SOX5: variants seen among roughly 807,000 people sequenced by gnomAD.
SOX5 encodes the protein transcription factor SOX-5.
Under a neutral mutation model 92.0 loss-of-function variants are expected in SOX5, and 9 were observed. The ratio of observed to expected loss-of-function variants is 0.10; its 90% CI spans 0.06 to 0.17. The LOEUF (loss-of-function observed/expected upper bound fraction) is 0.17, where lower values mean the gene tolerates loss of function less well. Ranked by LOEUF, SOX5 falls within the 10% of genes least tolerant of loss-of-function variation. SOX5 has a pLI of 1.00. For missense variants in SOX5, 642 were observed against 944.5 expected (o/e 0.68, Z 4.20); for synonymous variants, 344 against 336.3 (o/e 1.02, Z -0.25).
At chr12:24,384,387 T>C (rs757911378) in intron 1 of SOX5, among the ~76,000 whole-genome samples, 16 of 151,128 alleles carry the variant, frequency 1.1e-4, no homozygotes, top group Non-Finnish European at 2.2e-4. Context: ...CACGGACTGA[T>C]ACCAGTCTGC....
chr12:24,066,389 C>T (rs1485579945), intron 4 of SOX5, among the ~76,000 whole-genome samples: 1 of 152,096 alleles, frequency 6.6e-6, no homozygotes, highest in African/African-American at 2.4e-5. Flanking sequence ...TCTATGATAG[C>T]TTCCAATGAA....
At chr12:24,228,088 C>T (rs559034898) in intron 3 of SOX5, among the ~76,000 whole-genome samples, 1 of 152,286 alleles carries the variant, frequency 6.6e-6, no homozygotes, top group East Asian at 1.9e-4. Flanking sequence ...GGCTTCCTTC[C>T]TCCCTGGTGT....
At chr12:23,777,751 G>GAA in intron 3 of SOX5, among the ~76,000 whole-genome samples, 1 of 148,602 alleles carries the variant, frequency 6.7e-6, no homozygotes, top group South Asian at 2.1e-4. Flanking sequence ...ATGCTCATTT[G>GAA]AAAAAAAAAA....
chr12:23,932,591 G>C (rs1000385714), intron 1 of SOX5, among the ~76,000 whole-genome samples: 1 of 151,582 alleles, frequency 6.6e-6, no homozygotes, highest in African/African-American at 2.4e-5. Flanking sequence ...AGAAAGTGAA[G>C]GGGGCAAAGT....
intron 3 of SOX5, among the ~76,000 whole-genome samples, chr12:23,839,811 AG>A (rs2096489080): frequency 7.3e-6 from 1 of 137,770 alleles, no homozygotes; most frequent in East Asian, 2.2e-4. Flanking sequence ...GAATAGAGTG[AG>A]GCCTTCTCAA....
At chr12:23,817,394 C>T (rs934129293) in intron 3 of SOX5, among the ~76,000 whole-genome samples, 1 of 152,100 alleles carries the variant, frequency 6.6e-6, no homozygotes, top group Non-Finnish European at 1.5e-5. Flanking sequence ...ATATGTCTAG[C>T]CTTATTAGTT....
chr12:23,966,756 T>A (rs10842252), intron 4 of SOX5, among the ~76,000 whole-genome samples: 6,054 of 152,288 alleles, frequency 0.04, 571 homozygotes, highest in East Asian at 0.39. Flanking sequence ...CTTGCAAAGA[T>A]GGTATGAACA....
chr12:23,951,172 C>A, upstream of SOX5: 1 of 407,378 alleles, frequency 2.5e-6, no homozygotes, highest in Non-Finnish European at 4.5e-6. Flanking sequence ...AGGAAATTCC[C>A]TTCAAAGCCG....
At chr12:24,303,119 T>G (rs1357737323) in intron 2 of SOX5, among the ~76,000 whole-genome samples, 1 of 152,108 alleles carries the variant, frequency 6.6e-6, no homozygotes, top group Non-Finnish European at 1.5e-5. Context: ...ACAAGAAACT[T>G]TCAGCACAAC....
intron 3 of SOX5, among the ~76,000 whole-genome samples, chr12:23,807,557 C>T (rs2095801648): frequency 6.6e-6 from 1 of 151,968 alleles, no homozygotes; most frequent in East Asian, 1.9e-4. Context: ...AAGGATGCTA[C>T]CAAAGGTTTC....
chr12:24,562,505 CGT>C (rs991377179), upstream of SOX5: 1 of 153,148 alleles, frequency 6.5e-6, no homozygotes, highest in Non-Finnish European at 1.4e-5. Context: ...TGTGCGCGCG[CGT>C]GTCCCTCTCT....
rs529664375 is a variant in SOX5 at position 24,257,694 on chromosome 12, C to G, written c.-77+19522G>C. On this transcript the variant is annotated intron_variant, in intron 3 of 4. Coordinates refer to the SOX5 transcript ENST00000446891. ...ATATTGGTCAGGCTGGTCTCGAACT[C>G]CTGACCTCGTGATCTGCCCACCTTG... Among the ~76,000 whole-genome samples the G allele has an allele frequency of 5.9e-4, 89 of 151,996 alleles. 1 individual carries two copies. The highest frequency in any genetic ancestry group is 2.1e-3 in the African/African-American group (86 of 41,510).
intron 6 of SOX5, among the ~76,000 whole-genome samples, chr12:23,728,083 C>G (rs1449568129): frequency 6.6e-6 from 1 of 151,932 alleles, no homozygotes; most frequent in Non-Finnish European, 1.5e-5. Context: ...GACAGGGCTG[C>G]AGGCAGTTAT....
intron 6 of SOX5, among the ~76,000 whole-genome samples, chr12:23,673,713 C>T (rs1054091094): frequency 6.7e-6 from 1 of 149,454 alleles, no homozygotes. Context: ...TGTTGAATTT[C>T]AGTTCAACAT....
chr12:24,172,501 T>C (rs1223216819), intron 4 of SOX5, among the ~76,000 whole-genome samples: 3 of 151,988 alleles, frequency 2.0e-5, no homozygotes, highest in Non-Finnish European at 4.4e-5. Flanking sequence ...TTCGTGTCAT[T>C]GCACTCCAGC....
intron 2 of SOX5, among the ~76,000 whole-genome samples, chr12:23,860,960 A>T (rs28476506): frequency 1.7e-5 from 1 of 60,240 alleles, no homozygotes; most frequent in African/African-American, 4.6e-5. Flanking sequence ...TGTAAAAAAA[A>T]AAAAAAAAAA....
intron 4 of SOX5, among the ~76,000 whole-genome samples, chr12:24,050,084 CAAAAAA>C (rs10687571): frequency 1.6e-3 from 117 of 74,256 alleles, no homozygotes; most frequent in African/African-American, 5.0e-3. Flanking sequence ...GGCGCAGAGG[CAAAAAA>C]AAAAAAAAAA....
intron 4 of SOX5, among the ~76,000 whole-genome samples, chr12:24,089,093 G>T (rs1001444162): frequency 6.6e-6 from 1 of 152,054 alleles, no homozygotes; most frequent in Non-Finnish European, 1.5e-5. Flanking sequence ...TCCAAAGTCG[G>T]TAATATCTCA....
chr12:23,680,325 CAA>C (rs57754255), intron 6 of SOX5, among the ~76,000 whole-genome samples: 82 of 48,394 alleles, frequency 1.7e-3, no homozygotes, highest in African/African-American at 5.7e-3. Context: ...GACCTTGTCT[CAA>C]AAAAAAAAAA....
Sources: allele counts gnomAD v4.1 joint callset (sites outside exome capture counted in the v4.1 genomes callset), GRCh38; gene constraint gnomAD v4.1.1; transcripts MANE v1.5; gene names NCBI Gene and HGNC (gene_info 2026-07-23, HGNC 2026-07-21).